Variants in PFKL observed in about 807,000 individuals in gnomAD.
PFKL encodes phosphofructokinase, liver type, also known as ATP-dependent 6-phosphofructokinase, liver type.
Under a neutral mutation model 92.1 loss-of-function variants are expected in PFKL, and 74 were observed. The ratio of observed to expected loss-of-function variants is 0.80; its 90% confidence interval spans 0.67 to 0.97. PFKL has a LOEUF of 0.97. Ranked by LOEUF, PFKL falls within the 50% of genes least tolerant of loss-of-function variation. The pLI is 0.00. For missense variants in PFKL, 1,028 were observed against 1,116.6 expected (o/e 0.92, Z 1.13); for synonymous variants, 494 against 456.4 (o/e 1.08, Z -1.05).
intron 1 of PFKL, among the ~76,000 whole-genome samples, chr21:44,302,224 AAATG>A (rs2040796619): frequency 6.6e-6 from 1 of 152,210 alleles, no homozygotes; most frequent in Admixed American, 6.5e-5. Flanking sequence ...CTTCCTCTGC[AAATG>A]TCCTCCCTTC....
rs995986903 is a variant in PFKL, at chr21:44,307,394, A to G, written c.159+640A>G. On this transcript the variant is annotated intron_variant, in intron 2 of 21. Transcript: ENST00000349048. ...ACAGGCGCATTCACACACTTGGGCC[A>G]CACCACGCACTCACAGGCTGCATTC... 8.6e-6 allele frequency: 6 copies of G among 696,330 alleles called. No individual in the cohort carries two copies. In the African/African-American group the frequency reaches 1.2e-4, roughly 13 times the overall value. 43.1% of individuals were successfully genotyped at this position (696,330 alleles called of 1,614,324 possible).
chr21:44,303,718 C>T (rs1052066096), intron 1 of PFKL, among the ~76,000 whole-genome samples: 2 of 152,152 alleles, frequency 1.3e-5, no homozygotes, highest in African/African-American at 4.8e-5. Flanking sequence ...AACTTTGTGA[C>T]CATTTCATGC....
At chr21:44,311,220 A>C in intron 3 of PFKL, 137 bp downstream of exon 3, 1 of 653,720 alleles carries the variant, frequency 1.5e-6, no homozygotes, top group Non-Finnish European at 2.7e-6. Flanking sequence ...AGACATGCAC[A>C]CAGACGCACA....
In PFKL at chr21:44,325,506, G is replaced by A; in HGVS notation, c.1989+242G>A. The A allele has an allele frequency of 5.3e-6, 3 of 569,954 alleles. No individual in the cohort carries two copies. The South Asian group carries it at 6.1e-5, about 12-fold the overall frequency. The allele number at this position is 569,954 out of a possible 1,614,324, so 35.3% of individuals were successfully genotyped here. On this transcript the variant is annotated intron_variant, in intron 19 of 21. Coordinates refer to ENST00000349048, the MANE Select transcript of PFKL (RefSeq NM_002626.6). The stretch of plus-strand genomic sequence containing the variant: ...CCAGGGCATTCACATGCTGAGCCGA[G>A]CTCCCCACCCCTGCCAGGCCTCCCG...
intron 14 of PFKL, among the ~76,000 whole-genome samples, chr21:44,322,506 C>CCTCA (rs1386887053): frequency 6.6e-6 from 1 of 152,214 alleles, no homozygotes; most frequent in Admixed American, 6.5e-5. Flanking sequence ...AGCACTCTGG[C>CCTCA]TGAGGCTATG....
intron 1 of PFKL, among the ~76,000 whole-genome samples, chr21:44,302,185 C>T (rs753883185): frequency 3.3e-5 from 5 of 152,220 alleles, no homozygotes; most frequent in African/African-American, 7.2e-5. Flanking sequence ...ACCTGCTGGC[C>T]GATCATGGCA....
chr21:44,312,156 G>T lies in PFKL; in HGVS notation c.289G>T (p.Gly97Trp). The T allele has an allele frequency of 6.3e-7, 1 of 1,590,890 alleles. No homozygotes were observed. The highest frequency in any genetic ancestry group is 8.6e-7 in the Non-Finnish European group (1 of 1,169,356). ...CTGCAAGGCCTTTACCACCAGGGAGGGGCGCCGGGCAGCGGCCTACAACCT... is the reference window on the plus strand; with the variant it reads ...CTGCAAGGCCTTTACCACCAGGGAGTGGCGCCGGGCAGCGGCCTACAACCT... ...ARCKAFTTRE[G>W]RRAAAYNLVQ... The change falls in exon 4 of 22, where the codon GGG (glycine) becomes TGG (tryptophan). Residue 97 changes from glycine (G) to tryptophan (W), a missense_variant. Transcript: ENST00000349048.
At position 44,313,920 on chromosome 21, in the gene PFKL, G is replaced by GC; in HGVS notation, c.647dup (p.Leu217AlafsTer29). On this transcript the variant is annotated frameshift_variant, in exon 7 of 22. Transcript: ENST00000349048. LOFTEE classifies it high-confidence loss of function. Reference sequence around the variant, plus strand: ...AGGCGCTCGCTCCTCCAGGTACCTGGCGCTGGTATCTGCACTGGCCTCAGG... The same window carrying GC: ...AGGCGCTCGCTCCTCCAGGTACCTGGCCGCTGGTATCTGCACTGGCCTCAGG... The GC allele has an allele frequency of 6.3e-7, 1 of 1,594,726 alleles. No homozygotes were observed. Among genetic ancestry groups the GC allele is most frequent in the Non-Finnish European group, 8.5e-7 (1 of 1,173,028 alleles).
At position 44,313,262 on chromosome 21, in the gene PFKL, G is replaced by A. The variant is rs1602020244; in HGVS notation, c.593+119G>A. On this transcript the variant is annotated intron_variant, in intron 5 of 21. Transcript: ENST00000349048. Reference sequence around the variant, plus strand: ...TGGACTCTGGTAGCCCCAGCATCCAGGCCAGCCGCCCTCAGCCCCCAGCTG... The same window carrying A: ...TGGACTCTGGTAGCCCCAGCATCCAAGCCAGCCGCCCTCAGCCCCCAGCTG... 4.3e-6 allele frequency: 5 copies of A among 1,170,050 alleles called. No individual in the cohort carries two copies. In the East Asian group the frequency reaches 7.4e-5, roughly 17 times the overall value. 72.5% of individuals were successfully genotyped at this position (1,170,050 alleles called of 1,614,324 possible).
chr21:44,308,611 G>GC (rs2041023747), intron 2 of PFKL, among the ~76,000 whole-genome samples: 1 of 149,886 alleles, frequency 6.7e-6, no homozygotes, highest in African/African-American at 2.5e-5. Flanking sequence ...GCCCAGGCTG[G>GC]AGCGCAGTGG....
At chr21:44,322,842 T>C in intron 14 of PFKL, 120 bp from the exon 15 acceptor site, 1 of 633,148 alleles carries the variant, frequency 1.6e-6, no homozygotes, top group East Asian at 3.1e-5. Flanking sequence ...ATCCCGGGCA[T>C]TGCAGCGACT....
Position 44,313,949 on chromosome 21 carries a change from C to T in PFKL, c.675C>T (p.Ala225=), listed in dbSNP as rs779890193. The T allele has an allele frequency of 1.4e-5, 22 of 1,605,960 alleles. No homozygotes were observed. Among genetic ancestry groups the T allele is most frequent in the East Asian group, 2.2e-5 (1 of 44,636 alleles). ...TGGTATCTGCACTGGCCTCAGGGGC[C>T]GACTGGCTGTTCATCCCCGAGGCTC... ...LALVSALASG[A]DWLFIPEAPP... Residue 225 remains alanine, a synonymous_variant, in exon 7 of 22, where the codon GCC becomes GCT. Coordinates refer to ENST00000349048, the MANE Select transcript of PFKL (RefSeq NM_002626.6).
At position 44,313,133 on chromosome 21, in the gene PFKL, A is replaced by C. The variant is rs1400310492; in HGVS notation, c.583A>C (p.Thr195Pro). The C allele has an allele frequency of 1.2e-6, 2 of 1,612,416 alleles. No homozygotes were observed. Among genetic ancestry groups the C allele is most frequent in the Non-Finnish European group, 1.7e-6 (2 of 1,179,770 alleles). ...GGAGGTCATCGATGCCATCACCACC[A>C]CTGCCCAGAGGTGAGTGAGGCTGGC... ...IMEVIDAITT[T>P]AQSHQRTFVL... Residue 195 changes from threonine to proline, a missense_variant, in exon 5 of 22, where the codon ACT becomes CCT. By Grantham distance (38) the Thr-to-Pro change is conservative. Transcript: ENST00000349048.
intron 14 of PFKL, 85 bp downstream of exon 14, chr21:44,322,288 C>G: frequency 7.6e-7 from 1 of 1,312,000 alleles, no homozygotes; most frequent in East Asian, 2.3e-5. Flanking sequence ...CAAGGGGAAC[C>G]CAGCCCGGGG....
At position 44,326,197 on chromosome 21, in the gene PFKL, A is replaced by G. The variant is rs1439032135; in HGVS notation, c.2128A>G (p.Ile710Val). ...FANAPDSACV[I>V]GLKKKAVAFS... ...CAATGCCCCAGACTCGGCCTGCGTG[A>G]TCGGCCTGAAGAAGAAGGCGGTGGC... The change falls in exon 21 of 22, where the codon ATC becomes GTC. Residue 710 changes from isoleucine (I) to valine (V), a missense_variant. Coordinates refer to ENST00000349048, the MANE Select transcript of PFKL (RefSeq NM_002626.6). 1.2e-6 allele frequency: 2 copies of G among 1,613,104 alleles called. No homozygotes were observed. The highest frequency in any genetic ancestry group is 1.7e-6 in the Non-Finnish European group (2 of 1,179,834).
At chr21:44,300,216 C>T in intron 1 of PFKL, 26 bp downstream of exon 1, 1 of 1,050,948 alleles carries the variant, frequency 9.5e-7, no homozygotes, top group Non-Finnish European at 1.2e-6. Flanking sequence ...GGCCGCGTCG[C>T]GGCGCAGGGG....
At position 44,313,894 on chromosome 21, in the gene PFKL, C is replaced by A. The variant is rs1316529457; in HGVS notation, c.639-19C>A. 4.8e-5 allele frequency: 74 copies of A among 1,552,598 alleles called. No individual in the cohort carries two copies. The highest frequency in any genetic ancestry group is 6.4e-5 in the Non-Finnish European group (73 of 1,146,388). ...CGGCTGGGTGGGGGTCCTGAGCAGG[C>A]AGGCGCTCGCTCCTCCAGGTACCTG... On this transcript the variant is annotated intron_variant, in intron 6 of 21. Transcript: ENST00000349048.
chr21:44,307,369 A>C (rs1489240886), intron 2 of PFKL: 2 of 927,448 alleles, frequency 2.2e-6, no homozygotes. Context: ...ATGTGCACAC[A>C]CAGGCGCATT....
intron 1 of PFKL, 65 bp from the exon 2 acceptor site, chr21:44,306,616 T>TC (rs1555875629): frequency 7.2e-7 from 1 of 1,393,400 alleles, no homozygotes; most frequent in Non-Finnish European, 1.0e-6. Context: ...TCCTCTGAGA[T>TC]GGGGAGGGTG....
Sources: allele counts gnomAD v4.1 joint callset (sites outside exome capture counted in the v4.1 genomes callset), GRCh38; gene constraint gnomAD v4.1.1; transcripts MANE v1.5; gene names NCBI Gene and HGNC (gene_info 2026-07-23, HGNC 2026-07-21).